FARS2: variants seen among roughly 807,000 people sequenced by gnomAD.
FARS2 encodes the protein phenylalanine--tRNA ligase, mitochondrial.
FARS2 carries 40 observed loss-of-function variants against 46.4 expected under a neutral mutation model. The observed-to-expected ratio is 0.86, with a 90% confidence interval of 0.67 to 1.12. FARS2 has a LOEUF of 1.12. Ranked by LOEUF, FARS2 falls within the 50% of genes most tolerant of loss-of-function variation. The pLI is 0.00. For missense variants in FARS2, 513 were observed against 567.9 expected (o/e 0.90, Z 0.98); for synonymous variants, 234 against 214.9 (o/e 1.09, Z -0.78).
intron 5 of FARS2, among the ~76,000 whole-genome samples, chr6:5,584,529 T>G (rs959049046): frequency 1.4e-4 from 21 of 152,150 alleles, no homozygotes; most frequent in African/African-American, 4.8e-4. Flanking sequence ...GCCTTCCTCT[T>G]TCTTTTTCTC....
At chr6:5,256,178 AAG>A (rs1764656607), upstream of FARS2, among the ~76,000 whole-genome samples, 1 of 152,130 alleles carries the variant, frequency 6.6e-6, no homozygotes, top group South Asian at 2.1e-4. Flanking sequence ...AAGAAGAGCC[AAG>A]AAGACAAAAT....
chr6:5,455,246 G>T (rs989152604), intron 4 of FARS2, among the ~76,000 whole-genome samples: 1 of 152,124 alleles, frequency 6.6e-6, no homozygotes, highest in Non-Finnish European at 1.5e-5. Flanking sequence ...CTTTGCAGAA[G>T]ATTCCAAAAA....
intron 6 of FARS2, among the ~76,000 whole-genome samples, chr6:5,687,889 G>A (rs1383433680): frequency 6.6e-6 from 1 of 152,164 alleles, no homozygotes; most frequent in African/African-American, 2.4e-5. Context: ...GCAGTGGTTT[G>A]TAGTTCTCCT....
chr6:5,418,731 A>G (rs1356678292), intron 3 of FARS2, among the ~76,000 whole-genome samples: 1 of 152,166 alleles, frequency 6.6e-6, no homozygotes, highest in African/African-American at 2.4e-5. Context: ...TGACTTGTCC[A>G]GACTCCCGGC....
chr6:5,458,367 C>T (rs1475742000), intron 4 of FARS2, among the ~76,000 whole-genome samples: 1 of 152,228 alleles, frequency 6.6e-6, no homozygotes, highest in Non-Finnish European at 1.5e-5. Flanking sequence ...GCTGGCCTTC[C>T]TGCCAGGGCT....
intron 5 of FARS2, among the ~76,000 whole-genome samples, chr6:5,580,603 T>G (rs1008180920): frequency 7.9e-5 from 12 of 152,102 alleles, no homozygotes; most frequent in African/African-American, 2.9e-4. Context: ...GTAAAGTGGG[T>G]ATAATGCCTC....
chr6:5,737,819 C>T (rs1761046732), intron 6 of FARS2, among the ~76,000 whole-genome samples: 1 of 152,190 alleles, frequency 6.6e-6, no homozygotes, highest in African/African-American at 2.4e-5. Context: ...AGGGAGCAGC[C>T]ATCTTGCAAC....
upstream of FARS2, among the ~76,000 whole-genome samples, chr6:5,256,601 C>T (rs924332342): frequency 1.4e-5 from 2 of 140,880 alleles, no homozygotes; most frequent in Non-Finnish European, 3.1e-5. Context: ...TTATGACTCT[C>T]ATTTTATAAA....
intron 4 of FARS2, among the ~76,000 whole-genome samples, chr6:5,495,320 C>T (rs923047410): frequency 1.8e-4 from 28 of 152,314 alleles, no homozygotes; most frequent in East Asian, 7.7e-4. Flanking sequence ...TTTTCTACAT[C>T]GTCGTAATTC....
At chr6:5,586,334 G>A (rs144518210) in intron 5 of FARS2, among the ~76,000 whole-genome samples, 394 of 152,174 alleles carry the variant, frequency 2.6e-3, no homozygotes, top group Non-Finnish European at 3.8e-3. Flanking sequence ...CTTTGAGTGT[G>A]ATGTTTACTG....
rs4959346 is a variant in FARS2, at chr6:5,670,799, C to T, written c.1217+57479C>T. 1.5e-3 allele frequency among the ~76,000 whole-genome samples: 230 copies of T among 152,212 alleles called. 1 individual carries two copies. The highest frequency in any genetic ancestry group is 2.4e-3 in the Admixed American group (37 of 15,288). The stretch of plus-strand genomic sequence containing the variant: ...CAGTGTCATCGCTCCAAAAGCTTAT[C>T]ACATTGTTCATTTTCTTAGCAGGCT... On this transcript the variant is annotated intron_variant, in intron 6 of 6. Coordinates refer to ENST00000274680, the MANE Select transcript of FARS2 (RefSeq NM_006567.5).
At chr6:5,341,188 G>GATAGATATATATAT (rs1771535603) in intron 1 of FARS2, among the ~76,000 whole-genome samples, 1 of 34,188 alleles carries the variant, frequency 2.9e-5, no homozygotes, top group Non-Finnish European at 5.3e-5. Context: ...GCCATGGGGA[G>GATAGATATATATAT]ATATATATAT....
intron 4 of FARS2, among the ~76,000 whole-genome samples, chr6:5,514,613 G>A (rs1768670504): frequency 6.6e-6 from 1 of 152,168 alleles, no homozygotes; most frequent in Non-Finnish European, 1.5e-5. Context: ...GCTGTGAGCT[G>A]CTGTACCTGG....
At chr6:5,260,547 C>T, upstream of FARS2, 2 of 1,466,942 alleles carry the variant, frequency 1.4e-6, no homozygotes, top group Non-Finnish European at 1.8e-6. Context: ...GCCGGCAAAC[C>T]ACGGTGGCTC....
At chr6:5,615,297 A>G (rs1268953231) in intron 6 of FARS2, among the ~76,000 whole-genome samples, 1 of 152,148 alleles carries the variant, frequency 6.6e-6, no homozygotes, top group Admixed American at 6.5e-5. Flanking sequence ...CTAATGTTTT[A>G]AAATTCTCAT....
intron 4 of FARS2, among the ~76,000 whole-genome samples, chr6:5,445,058 T>C (rs1184578340): frequency 1.3e-5 from 2 of 152,226 alleles, no homozygotes; most frequent in Admixed American, 6.5e-5. Context: ...CTAGAGTTTC[T>C]TAATAAAACC....
rs200892482 is a variant in FARS2, at chr6:5,561,276, G to GT, written c.1065+15944dup. Among the ~76,000 whole-genome samples, 1,157 of 151,762 alleles carry GT rather than the reference G, an allele frequency of 7.6e-3. 16 individuals carry two copies. The highest frequency in any genetic ancestry group is 0.027 in the Middle Eastern group (8 of 294). The stretch of plus-strand genomic sequence containing the variant: ...TATTTTATCAAATTTTACACACACT[G>GT]TTTTTTTTGGCATATCAAACCTCTT... On this transcript the variant is annotated intron_variant, in intron 5 of 6. Transcript: ENST00000274680.
intron 1 of FARS2, among the ~76,000 whole-genome samples, chr6:5,314,909 A>AG (rs369398614): frequency 0.43 from 64,963 of 152,024 alleles, 14,359 homozygotes; most frequent in African/African-American, 0.54. Context: ...GTAGCAATCG[A>AG]TGTTCTTTGA....
chr6:5,459,568 G>T (rs1040054971), intron 4 of FARS2, among the ~76,000 whole-genome samples: 1 of 152,098 alleles, frequency 6.6e-6, no homozygotes, highest in African/African-American at 2.4e-5. Context: ...TGCCCAGAGC[G>T]GGAGGGACAT....
Sources: gnomAD v4.1 joint callset for allele counts (sites outside exome capture counted in the v4.1 genomes callset) on GRCh38, gnomAD v4.1.1 for gene constraint, MANE v1.5 for transcripts, NCBI Gene and HGNC (gene_info 2026-07-23, HGNC 2026-07-21) for gene names.